The following CUL9 variants were observed in gnomAD, a reference collection of about 807,000 sequenced individuals.
CUL9 encodes the protein cullin-9.
A neutral mutation model predicts 272.6 loss-of-function variants in CUL9; 79 were observed. The observed-to-expected ratio is 0.29, with a 90% CI of 0.24 to 0.35. The LOEUF (loss-of-function observed/expected upper bound fraction) is 0.35, where lower values mean the gene tolerates loss of function less well. CUL9 is among the 10% of genes least tolerant of loss of function. The pLI, the probability that CUL9 is intolerant of heterozygous loss-of-function variation, is 1.00. For missense variants in CUL9, 2,532 were observed against 3,255.6 expected (o/e 0.78, Z 5.41); for synonymous variants, 1,186 against 1,286.5 (o/e 0.92, Z 1.67).
rs1773070942 is a variant in CUL9, at chr6:43,187,858, C to G, written c.1727C>G (p.Ser576Cys). ...ATCTACACCAAGTATGGGCTGCTGTCTAATGAACCAAGCAGCTCGTCTACT... is the reference window on the plus strand; with the variant it reads ...ATCTACACCAAGTATGGGCTGCTGTGTAATGAACCAAGCAGCTCGTCTACT... ...SQIYTKYGLL[S>C]NEPSSSSTSR... The change falls in exon 7 of 41, where the codon TCT becomes TGT. Residue 576 changes from serine to cysteine, a missense_variant. Physicochemically the swap from Ser to Cys is moderately radical, Grantham distance 112 (BLOSUM62 -1). Transcript: ENST00000252050. 6.2e-7 allele frequency: 1 copy of G among 1,613,924 alleles called. No individual in the cohort carries two copies. Among genetic ancestry groups the G allele is most frequent in the Non-Finnish European group, 8.5e-7 (1 of 1,180,010 alleles).
chr6:43,220,290 A>G lies in CUL9; in HGVS notation c.6283-169A>G, dbSNP rs1242225282. On this transcript the variant is annotated intron_variant, in intron 31 of 40. Transcript: ENST00000252050. The surrounding 1 kb of genome is among the most constrained non-coding windows in gnomAD (Gnocchi z 4.9). ...CTGTAATTTGGGCCAGTCTCAGCAA[A>G]GCTGGAGAGAGGAGTCAGCATTGGT... Among the ~76,000 whole-genome samples, 1 of 152,158 alleles carries G rather than the reference A, an allele frequency of 6.6e-6. No individual in the cohort carries two copies. The highest frequency in any genetic ancestry group is 1.5e-5 in the Non-Finnish European group (1 of 68,032).
In CUL9 at chr6:43,184,583, C is replaced by G. The variant is rs891453894; in HGVS notation, c.273C>G (p.His91Gln). Reference sequence around the variant, plus strand: ...GGGCACTATCTAAGGGACTTCAGCACGAACCAGCTGGGGTTTCAGGAAGCT... The same window carrying G: ...GGGCACTATCTAAGGGACTTCAGCAGGAACCAGCTGGGGTTTCAGGAAGCT... ...GERALSKGLQHEPAGVSGSFP... is the reference protein window; with the variant it reads ...GERALSKGLQQEPAGVSGSFP... The change falls in exon 2 of 41, where the codon CAC becomes CAG. Residue 91 changes from histidine to glutamine, a missense_variant. By Grantham distance (24) the His-to-Gln change is conservative (BLOSUM62 0). Coordinates refer to ENST00000252050, the MANE Select transcript of CUL9 (RefSeq NM_015089.4). This position sits in a 1 kb window ranked among gnomAD's most constrained non-coding sequence, Gnocchi z 4.8. 6.8e-6 allele frequency: 11 copies of G among 1,612,846 alleles called. No individual in the cohort carries two copies. Among genetic ancestry groups the G allele is most frequent in the Non-Finnish European group, 9.3e-6 (11 of 1,179,084 alleles).
At position 43,213,052 on chromosome 6, in the gene CUL9, C is replaced by T. The variant is rs1218668914; in HGVS notation, c.5213-97C>T. 1.5e-6 allele frequency: 2 copies of T among 1,373,232 alleles called. No homozygotes were observed. The highest frequency in any genetic ancestry group is 2.0e-6 in the Non-Finnish European group (2 of 996,444). The allele number at this position is 1,373,232 out of a possible 1,614,324, so 85.1% of individuals were successfully genotyped here. On this transcript the variant is annotated intron_variant, in intron 26 of 40. Coordinates refer to ENST00000252050, the MANE Select transcript of CUL9 (RefSeq NM_015089.4). This position sits in a 1 kb window ranked among gnomAD's most constrained non-coding sequence, Gnocchi z 5.7. ...CTGAAAATGCTGGGGCCCTCCTCCC[C>T]ATAGGGACTAGTAGGAGCAAAGCTT...
Position 43,222,533 on chromosome 6 carries a change from G to A in CUL9, c.6924G>A (p.Glu2308=). Residue 2308 remains glutamate (E), a splice_region_variant and synonymous_variant, in exon 37 of 41, where the codon GAG becomes GAA. Transcript: ENST00000252050. The part of the protein sequence containing the change: ...ERCTFHHQAR[E]FAVNLRNRVS... ...CTGATACACCTTCCTCCACACAGGA[G>A]TTTGCTGTGAACTTGCGGAACCGGG... 1 of 1,613,986 alleles carries A rather than the reference G, an allele frequency of 6.2e-7. No individual in the cohort carries two copies. The highest frequency in any genetic ancestry group is 1.1e-5 in the South Asian group (1 of 91,084).
chr6:43,207,648 A>G (rs1775154317), intron 26 of CUL9, among the ~76,000 whole-genome samples: 1 of 152,170 alleles, frequency 6.6e-6, no homozygotes, highest in African/African-American at 2.4e-5. Context: ...AGAAGAATAT[A>G]TATTTTAATT....
chr6:43,187,912 C>T lies in CUL9; in HGVS notation c.1781C>T (p.Pro594Leu). 1 of 1,614,080 alleles carries T rather than the reference C, an allele frequency of 6.2e-7. No individual in the cohort carries two copies. The highest frequency in any genetic ancestry group is 1.1e-5 in the South Asian group (1 of 91,070). The change falls in exon 7 of 41, where the codon CCA becomes CTA. Residue 594 changes from proline to leucine, a missense_variant. Physicochemically the swap from Pro to Leu is moderately conservative, Grantham distance 98. This residue lies in a region of CUL9 where 2,218 missense variants were observed against 2,788.6 expected (regional missense o/e 0.80). Transcript: ENST00000252050. Reference protein sequence around the residue: ...TSRNHSCTPDPEEESKSEASF... With the variant: ...TSRNHSCTPDLEEESKSEASF... ...CGAAATCACTCCTGTACCCCAGATC[C>T]AGAAGAGGAGTCCAAGTCGGAGGCC...
rs1212337730 is a variant in CUL9, at chr6:43,222,549, C to T, written c.6940C>T (p.Arg2314Trp). 9 of 1,613,842 alleles carry T rather than the reference C, an allele frequency of 5.6e-6. No homozygotes were observed. The highest frequency in any genetic ancestry group is 2.2e-5 in the East Asian group (1 of 44,868). ...HQAREFAVNL[R>W]NRVSAIHEVP... ...CACACAGGAGTTTGCTGTGAACTTG[C>T]GGAACCGGGTGTCTGCCATCCATGA... Residue 2314 changes from arginine (R) to tryptophan (W), a missense_variant, in exon 37 of 41, where the codon CGG becomes TGG. Around this residue, in one of 3 missense-constraint regions of CUL9, gnomAD observed 237 missense variants for 305.9 expected, o/e 0.77. Transcript: ENST00000252050.
chr6:43,187,667 C>CT, intron 6 of CUL9, 46 bp from the exon 7 acceptor site: 1 of 1,586,620 alleles, frequency 6.3e-7, no homozygotes. Context: ...ACCCCAAGAC[C>CT]TTTGTGTCTG....
intron 9 of CUL9, among the ~76,000 whole-genome samples, chr6:43,194,374 AG>A (rs1207697257): frequency 6.7e-6 from 1 of 149,630 alleles, no homozygotes; most frequent in African/African-American, 2.5e-5. Flanking sequence ...GCTGGAGTGC[AG>A]TGGCTCAATC....
In CUL9 at chr6:43,203,986, C is replaced by T. The variant is rs149854957; in HGVS notation, c.4158C>T (p.Pro1386=). Residue 1386 remains proline, a splice_region_variant and synonymous_variant, in exon 20 of 41, where the codon CCC becomes CCT. Transcript: ENST00000252050. This position sits in a 1 kb window ranked among gnomAD's most constrained non-coding sequence, Gnocchi z 5.0. ...CCCTGGTGCAGAACATCACCTCTCC[C>T]GGTAACCATGCTGACACCTGGCCCC... ...VSPLVQNITS[P]DAEGVSALGW... The T allele has an allele frequency of 4.1e-5, 66 of 1,594,634 alleles. No homozygotes were observed. The African/African-American group carries it at 7.0e-4, about 17-fold the overall frequency.
chr6:43,184,252 A>C lies in CUL9; in HGVS notation c.-9-50A>C. The C allele has an allele frequency of 1.5e-6, 2 of 1,311,792 alleles. No homozygotes were observed. Among genetic ancestry groups the C allele is most frequent in the Non-Finnish European group, 2.0e-6 (2 of 996,314 alleles). The allele number at this position is 1,311,792 out of a possible 1,614,324, so 81.3% of individuals were successfully genotyped here. ...TCTCAAGATTCCACCCCCTCCATGT[A>C]TTTTTTTTCTTTTCTCATACTGCCT... On this transcript the variant is annotated intron_variant, in intron 1 of 40. Transcript: ENST00000252050. The surrounding 1 kb of genome is among the most constrained non-coding windows in gnomAD (Gnocchi z 4.8).
chr6:43,204,317 C>T (rs376031218), intron 20 of CUL9, 43 bp from the exon 21 acceptor site: 37 of 1,603,660 alleles, frequency 2.3e-5, no homozygotes, highest in African/African-American at 4.0e-5. Flanking sequence ...TGTCTGTTCT[C>T]CCATCTCCCA....
chr6:43,189,894 C>T (rs1277814663), intron 8 of CUL9, among the ~76,000 whole-genome samples: 1 of 152,214 alleles, frequency 6.6e-6, no homozygotes, highest in East Asian at 1.9e-4. Flanking sequence ...AAAGTCCTTT[C>T]TCACCACTGT....
intron 9 of CUL9, among the ~76,000 whole-genome samples, chr6:43,194,522 T>C (rs1773826269): frequency 6.6e-6 from 1 of 150,648 alleles, no homozygotes; most frequent in Non-Finnish European, 1.5e-5. Flanking sequence ...GGTTTCACCA[T>C]GTTTGCCAGG....
Position 43,204,829 on chromosome 6 carries a change from A to G in CUL9, c.4421A>G (p.Gln1474Arg). 1.2e-6 allele frequency: 2 copies of G among 1,614,220 alleles called. No homozygotes were observed. The highest frequency in any genetic ancestry group is 1.7e-6 in the Non-Finnish European group (2 of 1,180,030). Residue 1474 changes from glutamine to arginine, a missense_variant, in exon 22 of 41, where the codon CAG becomes CGG. This residue lies in a region of CUL9 where 2,218 missense variants were observed against 2,788.6 expected (regional missense o/e 0.80). Coordinates refer to ENST00000252050, the MANE Select transcript of CUL9 (RefSeq NM_015089.4). ...LPSSSLRNIT[Q>R]CWLSVVQEQV... ...AGCAGCAGCCTGAGGAACATAACCC[A>G]GTGCTGGCTGAGCGTGGTGCAGGAG...
At position 43,190,103 on chromosome 6, in the gene CUL9, T is replaced by G. The variant is rs76771260; in HGVS notation, c.2180+1388T>G. ...CTGCCTCATTATTTTTACTGCTGCA[T>G]GGGACCCTGCAGTGTGGTTATCTCC... On this transcript the variant is annotated intron_variant, in intron 8 of 40. Transcript: ENST00000252050. Among the ~76,000 whole-genome samples, 856 of 152,288 alleles carry G rather than the reference T, an allele frequency of 5.6e-3. 54 individuals carry two copies. In the East Asian group the frequency reaches 0.14, roughly 25 times the overall value.
In CUL9 at chr6:43,186,026, T is replaced by C. The variant is rs767675598; in HGVS notation, c.822T>C (p.Asn274=). ...LCVTSLLDQL[N]SSPELGAGDQ... is the part of the protein sequence containing the mutation. ...TCACGTCCCTCCTGGATCAGCTGAATAGCAGTCCAGAGCTGGGAGCTGGAG... is the reference window on the plus strand; with the variant it reads ...TCACGTCCCTCCTGGATCAGCTGAACAGCAGTCCAGAGCTGGGAGCTGGAG... Residue 274 remains asparagine, a synonymous_variant, in exon 4 of 41, where the codon AAT becomes AAC. Coordinates refer to ENST00000252050, the MANE Select transcript of CUL9 (RefSeq NM_015089.4). 22 of 1,614,106 alleles carry C rather than the reference T, an allele frequency of 1.4e-5. No homozygotes were observed. Among genetic ancestry groups the C allele is most frequent in the Non-Finnish European group, 1.7e-5 (20 of 1,180,050 alleles).
chr6:43,183,646 A>G (rs965990505), intron 1 of CUL9, among the ~76,000 whole-genome samples: 20 of 152,032 alleles, frequency 1.3e-4, no homozygotes, highest in African/African-American at 3.6e-4. Flanking sequence ...CACTCTGTTT[A>G]TTGTTACTTT....
chr6:43,196,007 G>A, intron 9 of CUL9, 62 bp from the exon 10 acceptor site: 1 of 1,451,370 alleles, frequency 6.9e-7, no homozygotes. Flanking sequence ...CTAGAATGAG[G>A]CCTACCTTTC....
Sources: gnomAD v4.1 joint callset for allele counts (sites outside exome capture counted in the v4.1 genomes callset) on GRCh38, gnomAD v4.1.1 for gene constraint, gnomAD v4.1.1 regional missense constraint, Gnocchi (gnomAD v3.1) non-coding constraint, MANE v1.5 for transcripts, NCBI Gene and HGNC (gene_info 2026-07-23, HGNC 2026-07-21) for gene names.